Variants in RPL26L1 observed in about 807,000 individuals in gnomAD.
The protein encoded by RPL26L1 is ribosomal protein uL24-like.
RPL26L1 carries 8 observed loss-of-function variants against 15.2 expected under a neutral mutation model. That is an observed-to-expected ratio of 0.53 (90% confidence interval 0.31 to 0.95). The LOEUF (loss-of-function observed/expected upper bound fraction) is 0.95. Among genes scored for constraint, RPL26L1 ranks in the 40% least tolerant of loss-of-function variants. The pLI is 0.05. For missense variants in RPL26L1, 146 were observed against 190.9 expected (o/e 0.76, Z 1.39); for synonymous variants, 51 against 65.9 (o/e 0.77, Z 1.09).
chr5:172,954,471 G>A, upstream of RPL26L1, among the ~76,000 whole-genome samples: 1 of 151,668 alleles, frequency 6.6e-6, no homozygotes, highest in South Asian at 2.1e-4. Context: ...GCTGCGGTGG[G>A]GGCAGGGGCG....
At chr5:172,958,599 T>A (rs1462768416), upstream of RPL26L1, 1 of 352,988 alleles carries the variant, frequency 2.8e-6, no homozygotes, top group Admixed American at 3.2e-5. Flanking sequence ...GGAGGGGGCG[T>A]GGTTGATCTC....
chr5:172,960,138 A>C, intron 2 of RPL26L1, 97 bp downstream of exon 2: 1 of 1,420,704 alleles, frequency 7.0e-7, no homozygotes, highest in South Asian at 1.2e-5. Flanking sequence ...GGACTCTGGA[A>C]AGTAGTGTGA....
At position 172,959,478 on chromosome 5, in the gene RPL26L1, G is replaced by A. The variant is rs1755131254; in HGVS notation, c.-10+10G>A. On this transcript the variant is annotated intron_variant, in intron 1 of 3. Transcript: ENST00000265100. ...GGCAGCTAGTAGCCGGGTGAGTGGAGGCTGGAGTTTTCTCGGACAGTGAAC... is the reference window on the plus strand; with the variant it reads ...GGCAGCTAGTAGCCGGGTGAGTGGAAGCTGGAGTTTTCTCGGACAGTGAAC... The A allele has an allele frequency of 4.9e-6, 5 of 1,024,056 alleles. No individual in the cohort carries two copies. In the South Asian group the frequency reaches 1.1e-4, roughly 22 times the overall value. The allele number at this position is 1,024,056 out of a possible 1,614,324, so 63.4% of individuals were successfully genotyped here. A position where few individuals can be genotyped will look rare whatever the true frequency, so the allele number is the denominator to read the frequency against.
Position 172,959,879 on chromosome 5 carries a change from G to A in RPL26L1, c.6G>A (p.Lys2=), listed in dbSNP as rs1755152786. 1.9e-6 allele frequency: 3 copies of A among 1,614,022 alleles called. No individual in the cohort carries two copies. Among genetic ancestry groups the A allele is most frequent in the Non-Finnish European group, 2.5e-6 (3 of 1,179,996 alleles). Residue 2 remains lysine, a synonymous_variant, in exon 2 of 4, where the codon AAG becomes AAA. Coordinates refer to ENST00000265100, the MANE Select transcript of RPL26L1 (RefSeq NM_016093.4). M[K]FNPFVTSDRS... The stretch of plus-strand genomic sequence containing the variant: ...GCCCTTTGTAGAGGGTCACCATGAA[G>A]TTCAATCCCTTCGTTACCTCGGACC...
At chr5:172,963,738 A>G (rs1755337601) in intron 2 of RPL26L1, among the ~76,000 whole-genome samples, 1 of 152,222 alleles carries the variant, frequency 6.6e-6, no homozygotes, top group Admixed American at 6.5e-5. Flanking sequence ...CTGAGGCATA[A>G]TTTACACACA....
chr5:172,964,316 A>G (rs1215386175), intron 2 of RPL26L1, among the ~76,000 whole-genome samples: 8 of 89,788 alleles, frequency 8.9e-5, no homozygotes, highest in Admixed American at 5.8e-4. Flanking sequence ...ACAGAGTTTC[A>G]CTCTTGTTGC....
In RPL26L1 at chr5:172,962,859, C is replaced by A. The variant is rs559129066; in HGVS notation, c.168+2818C>A. Reference sequence around the variant, plus strand: ...AAAAAATCCTTTGGCAGTTTTATATCTGCCAAAACTGACCTGTACATTTTA... The same window carrying A: ...AAAAAATCCTTTGGCAGTTTTATATATGCCAAAACTGACCTGTACATTTTA... On this transcript the variant is annotated intron_variant, in intron 2 of 3. Coordinates refer to ENST00000265100, the MANE Select transcript of RPL26L1 (RefSeq NM_016093.4). Among the ~76,000 whole-genome samples the A allele has an allele frequency of 5.4e-5, 8 of 148,662 alleles. No homozygotes were observed. The East Asian group carries it at 1.6e-3, about 29-fold the overall frequency.
chr5:172,969,052 C>T (rs1755584580), intron 3 of RPL26L1, among the ~76,000 whole-genome samples: 1 of 151,854 alleles, frequency 6.6e-6, no homozygotes, highest in African/African-American at 2.4e-5. Context: ...GTGATCCGCC[C>T]GCCTCGGCTT....
At chr5:172,958,181 T>C, upstream of RPL26L1, 1 of 359,120 alleles carries the variant, frequency 2.8e-6, no homozygotes, top group South Asian at 2.1e-5. Context: ...GGAGAATCGC[T>C]TGAACTTGGG....
chr5:172,956,676 A>G (rs370475757), upstream of RPL26L1, among the ~76,000 whole-genome samples: 1 of 152,126 alleles, frequency 6.6e-6, no homozygotes, highest in Non-Finnish European at 1.5e-5. Flanking sequence ...GGTGGCTCAC[A>G]TCTGTAATCC....
chr5:172,965,979 C>T (rs933582570), intron 2 of RPL26L1, among the ~76,000 whole-genome samples: 1 of 152,212 alleles, frequency 6.6e-6, no homozygotes, highest in African/African-American at 2.4e-5. Flanking sequence ...CATTGCCATC[C>T]ACCTGGTTGC....
chr5:172,957,647 A>C (rs557259364), upstream of RPL26L1: 2 of 238,588 alleles, frequency 8.4e-6, no homozygotes, highest in African/African-American at 4.6e-5. Context: ...GAATGAATGA[A>C]TGAACTCCTT....
At chr5:172,969,054 C>T (rs1394467086) in intron 3 of RPL26L1, among the ~76,000 whole-genome samples, 2 of 151,940 alleles carry the variant, frequency 1.3e-5, no homozygotes, top group African/African-American at 2.4e-5. Flanking sequence ...GATCCGCCCG[C>T]CTCGGCTTTC....
At chr5:172,959,723 C>T in intron 1 of RPL26L1, 142 bp from the exon 2 acceptor site, 3 of 1,136,242 alleles carry the variant, frequency 2.6e-6, no homozygotes, top group South Asian at 1.4e-5. Context: ...AGTCGCATCT[C>T]TCTGTCCTCC....
At chr5:172,963,897 C>G (rs1458333) in intron 2 of RPL26L1, among the ~76,000 whole-genome samples, 94,660 of 152,046 alleles carry the variant, frequency 0.62, 34,972 homozygotes, top group Non-Finnish European at 0.81. Flanking sequence ...TGTCTATGTA[C>G]TCATTAACTG....
intron 1 of RPL26L1, 29 bp from the exon 2 acceptor site, chr5:172,959,835 CT>C: frequency 6.2e-7 from 1 of 1,612,242 alleles, no homozygotes; most frequent in Non-Finnish European, 8.5e-7. Flanking sequence ...CTGAGCGCCC[CT>C]TCATTCCGTC....
upstream of RPL26L1, chr5:172,958,342 T>C (rs1389767476): frequency 2.2e-6 from 1 of 455,550 alleles, no homozygotes; most frequent in Non-Finnish European, 4.4e-6. Flanking sequence ...CAGGGAACAC[T>C]GATAAACTAA....
chr5:172,956,362 A>G (rs1416360472), upstream of RPL26L1, among the ~76,000 whole-genome samples: 1 of 152,294 alleles, frequency 6.6e-6, no homozygotes, highest in Admixed American at 6.5e-5. Context: ...TATGGGCTGC[A>G]AGATAAATAA....
chr5:172,955,626 G>A (rs1327066102), upstream of RPL26L1: 2 of 152,626 alleles, frequency 1.3e-5, no homozygotes, highest in Admixed American at 6.5e-5. Flanking sequence ...AATACTCACT[G>A]GAGACCCTTT....
Sources: allele counts gnomAD v4.1 joint callset (sites outside exome capture counted in the v4.1 genomes callset), GRCh38; gene constraint gnomAD v4.1.1; transcripts MANE v1.5; gene names NCBI Gene and HGNC (gene_info 2026-07-23, HGNC 2026-07-21).